Variants in IL7 observed in about 807,000 individuals in gnomAD.
The protein encoded by IL7 is interleukin-7.
In IL7, 3 loss-of-function variants were observed where a neutral mutation model predicts 21.6. The ratio of observed to expected loss-of-function variants is 0.14; its 90% CI spans 0.06 to 0.36. The LOEUF (loss-of-function observed/expected upper bound fraction) is 0.36, where lower values mean the gene tolerates loss of function less well. Among genes scored for constraint, IL7 ranks in the 10% least tolerant of loss-of-function variants. The probability of loss-of-function intolerance (pLI) is 1.00; values close to 1 mark genes in which losing one functional copy is unlikely to be tolerated. For missense variants in IL7, 175 were observed against 200.2 expected (o/e 0.87, Z 0.76); for synonymous variants, 62 against 68.1 (o/e 0.91, Z 0.44).
At chr8:78,697,610 T>C in intron 3 of IL7, 1 of 795,572 alleles carries the variant, frequency 1.3e-6, no homozygotes, top group Non-Finnish European at 2.0e-6. Flanking sequence ...AGATTTATAA[T>C]TAAGAAGAGA....
chr8:78,721,485 T>C (rs935583231), intron 3 of IL7: 1 of 152,044 alleles, frequency 6.6e-6, no homozygotes, highest in African/African-American at 2.4e-5. Context: ...TAATTCCAGC[T>C]ATTCAATCTT....
At chr8:78,716,808 G>A (rs1465955165), downstream of IL7, among the ~76,000 whole-genome samples, 4 of 152,144 alleles carry the variant, frequency 2.6e-5, no homozygotes, top group African/African-American at 9.7e-5. Context: ...TGGATCATGG[G>A]GGTGGACTTC....
At chr8:78,801,883 A>G (rs1043493804) in intron 1 of IL7, among the ~76,000 whole-genome samples, 1 of 152,058 alleles carries the variant, frequency 6.6e-6, no homozygotes, top group Admixed American at 6.6e-5. Context: ...ATAATTGAAG[A>G]CCTTTCTCCT....
At chr8:78,797,936 G>T (rs1028944569) in intron 2 of IL7, 136 bp downstream of exon 2, 3 of 586,382 alleles carry the variant, frequency 5.1e-6, no homozygotes, top group Non-Finnish European at 8.9e-6. Context: ...ACAGTTAGTA[G>T]CTCATTAAAT....
At chr8:78,725,492 A>G (rs1040108837) in intron 3 of IL7, among the ~76,000 whole-genome samples, 12 of 151,962 alleles carry the variant, frequency 7.9e-5, no homozygotes, top group African/African-American at 2.2e-4. Flanking sequence ...GCATTTCCCA[A>G]TAGCTTTTAG....
chr8:78,718,683 A>C (rs1811177535), intron 6 of IL7: 1 of 151,868 alleles, frequency 6.6e-6, no homozygotes, highest in South Asian at 2.1e-4. Flanking sequence ...ACACAAATTT[A>C]ATTATTTTTT....
At chr8:78,728,870 AC>A (rs1467069336), downstream of IL7, among the ~76,000 whole-genome samples, 24 of 152,064 alleles carry the variant, frequency 1.6e-4, no homozygotes, top group Admixed American at 1.6e-3. Flanking sequence ...TGGTTATGTA[AC>A]TATCTCTTAT....
At chr8:78,742,607 T>G (rs1811829531) in intron 2 of IL7, among the ~76,000 whole-genome samples, 1 of 152,340 alleles carries the variant, frequency 6.6e-6, no homozygotes, top group East Asian at 1.9e-4. Context: ...ACATACAAAT[T>G]CATTACAGCC....
intron 3 of IL7, among the ~76,000 whole-genome samples, chr8:78,695,873 T>A (rs973689375): frequency 6.6e-6 from 1 of 152,194 alleles, no homozygotes; most frequent in Non-Finnish European, 1.5e-5. Flanking sequence ...TTATCAAGAT[T>A]TAACTTTTTA....
At chr8:78,675,412 C>T (rs1809549151), downstream of IL7, among the ~76,000 whole-genome samples, 1 of 151,858 alleles carries the variant, frequency 6.6e-6, no homozygotes, top group Non-Finnish European at 1.5e-5. Context: ...AATGGTATTT[C>T]TTCATGCCTT....
At chr8:78,722,472 A>G (rs1249649778) in intron 3 of IL7, among the ~76,000 whole-genome samples, 1 of 152,000 alleles carries the variant, frequency 6.6e-6, no homozygotes, top group East Asian at 1.9e-4. Flanking sequence ...AGGATGTGTA[A>G]GAAAACTATT....
intron 2 of IL7, among the ~76,000 whole-genome samples, chr8:78,797,533 C>T (rs1173532424): frequency 1.3e-5 from 2 of 151,846 alleles, no homozygotes; most frequent in African/African-American, 2.4e-5. Context: ...TTTCTAGAAA[C>T]CTAAGTTGGC....
At chr8:78,743,977 G>A (rs963950662) in intron 2 of IL7, among the ~76,000 whole-genome samples, 2 of 152,202 alleles carry the variant, frequency 1.3e-5, no homozygotes, top group Non-Finnish European at 2.9e-5. Context: ...GGCCCAGGGA[G>A]GTATGAACCT....
At chr8:78,800,626 T>C (rs921207327) in intron 1 of IL7, among the ~76,000 whole-genome samples, 3 of 152,220 alleles carry the variant, frequency 2.0e-5, no homozygotes, top group Non-Finnish European at 4.4e-5. Flanking sequence ...TCCAAACCTC[T>C]GCTGATGGAC....
intron 5 of IL7, among the ~76,000 whole-genome samples, chr8:78,735,089 TA>T (rs747697848): frequency 1.3e-5 from 2 of 152,240 alleles, no homozygotes. Flanking sequence ...TTGTTTTCAA[TA>T]GGGGGTCCTG....
At chr8:78,739,386 G>T (rs994703671) in intron 3 of IL7, among the ~76,000 whole-genome samples, 1 of 152,072 alleles carries the variant, frequency 6.6e-6, no homozygotes, top group African/African-American at 2.4e-5. Flanking sequence ...ACATTAACAA[G>T]TATTTTTCTG....
chr8:78,740,232 A>T, intron 2 of IL7, 150 bp from the exon 3 acceptor site: 1 of 381,906 alleles, frequency 2.6e-6, no homozygotes, highest in South Asian at 1.0e-4. Flanking sequence ...ACTAAGCATG[A>T]GGAATCATTT....
At chr8:78,804,861 G>T in intron 1 of IL7, 52 bp downstream of exon 1, 1 of 1,609,620 alleles carries the variant, frequency 6.2e-7, no homozygotes, top group Non-Finnish European at 8.5e-7. Flanking sequence ...GTCTGGGATT[G>T]CCCCGGCGCG....
chr8:78,682,176 A>G (rs551141557), intron 4 of IL7, among the ~76,000 whole-genome samples: 1 of 152,316 alleles, frequency 6.6e-6, no homozygotes, highest in East Asian at 1.9e-4. Flanking sequence ...GTGAGCCAGC[A>G]TCATGTTTAG....
Sources: gnomAD v4.1 joint callset for allele counts (sites outside exome capture counted in the v4.1 genomes callset) on GRCh38, gnomAD v4.1.1 for gene constraint, MANE v1.5 for transcripts, NCBI Gene and HGNC (gene_info 2026-07-23, HGNC 2026-07-21) for gene names.